The following ALPL variants were observed in gnomAD, a reference collection of about 807,000 sequenced individuals.
ALPL encodes the protein alkaline phosphatase, tissue-nonspecific isozyme.
In ALPL, 42 loss-of-function variants were observed where a neutral mutation model predicts 51.3. The observed-to-expected ratio is 0.82, with a 90% CI of 0.64 to 1.06. ALPL has a LOEUF of 1.06. ALPL is among the 50% of genes least tolerant of loss of function. ALPL has a pLI of 0.00. For synonymous variants in ALPL, 279 were observed against 296.4 expected (o/e 0.94, Z 0.60); for missense variants, 589 against 709.4 (o/e 0.83, Z 1.93).
At chr1:21,545,908 CT>C (rs1570236477) in intron 1 of ALPL, among the ~76,000 whole-genome samples, 1 of 152,166 alleles carries the variant, frequency 6.6e-6, no homozygotes, top group African/African-American at 2.4e-5. Flanking sequence ...CTCTAACTCT[CT>C]AGTTCAAGCG....
At chr1:21,540,239 G>T (rs1474439300) in intron 1 of ALPL, among the ~76,000 whole-genome samples, 1 of 152,150 alleles carries the variant, frequency 6.6e-6, no homozygotes, top group African/African-American at 2.4e-5. Context: ...ACCCCTGCCT[G>T]GGCACTGCAG....
At chr1:21,575,392 C>T (rs1430558456) in intron 9 of ALPL, among the ~76,000 whole-genome samples, 1 of 152,180 alleles carries the variant, frequency 6.6e-6, no homozygotes, top group African/African-American at 2.4e-5. Context: ...CCTTCCCTAC[C>T]TCCCAAAGGC....
chr1:21,540,392 C>T lies in ALPL; in HGVS notation c.-104-13586C>T, dbSNP rs187082349. Among the ~76,000 whole-genome samples the T allele has an allele frequency of 3.3e-5, 5 of 152,330 alleles. No homozygotes were observed. The East Asian group carries it at 7.7e-4, about 24-fold the overall frequency. ...AGTTGGTTTGGGGCATCATGACCGT[C>T]CTGGAGCCTCAGGGACCCCCAGAGA... is the stretch of plus-strand genomic sequence containing the variant. On this transcript the variant is annotated intron_variant, in intron 1 of 11. Transcript: ENST00000374840.
At chr1:21,550,464 T>C (rs116121521) in intron 1 of ALPL, among the ~76,000 whole-genome samples, 5,175 of 152,268 alleles carry the variant, frequency 0.034, 130 homozygotes, top group Non-Finnish European at 0.051. Flanking sequence ...CATGGTGAAA[T>C]TCTTTATGAA....
chr1:21,575,708 G>A (rs781522654), intron 9 of ALPL, 25 bp from the exon 10 acceptor site: 22 of 1,613,336 alleles, frequency 1.4e-5, no homozygotes, highest in African/African-American at 4.0e-5. Context: ...CTCCCTCACC[G>A]AGGCCTTTGC....
Position 21,560,712 on chromosome 1 carries a change from G to A in ALPL, c.148G>A (p.Val50Met), listed in dbSNP as rs767216554. 1.2e-5 allele frequency: 20 copies of A among 1,614,030 alleles called. No homozygotes were observed. The highest frequency in any genetic ancestry group is 7.7e-5 in the South Asian group (7 of 91,092). The part of the protein sequence containing the change: ...ALELQKLNTN[V>M]AKNVIMFLGD... ...GGAGCTTCAGAAGCTCAACACCAAC[G>A]TGGCTAAGAATGTCATCATGTTCCT... Residue 50 changes from valine (V) to methionine (M), a missense_variant, in exon 3 of 12, where the codon GTG (valine) becomes ATG (methionine). By Grantham distance (21) the Val-to-Met change is conservative. Coordinates refer to ENST00000374840, the MANE Select transcript of ALPL (RefSeq NM_000478.6).
intron 8 of ALPL, among the ~76,000 whole-genome samples, chr1:21,573,359 C>A (rs749969151): frequency 6.6e-6 from 1 of 151,558 alleles, no homozygotes; most frequent in Non-Finnish European, 1.5e-5. Context: ...ATCACTTGAA[C>A]CCGGGAGGCA....
In ALPL at chr1:21,509,758, G is replaced by T. The variant is rs183120314; in HGVS notation, c.-105+241G>T. On this transcript the variant is annotated intron_variant, in intron 1 of 11. Coordinates refer to ENST00000374840, the MANE Select transcript of ALPL (RefSeq NM_000478.6). This position sits in a 1 kb window ranked among gnomAD's most constrained non-coding sequence, Gnocchi z 6.0. ...GGCGGGACAGGAGATTGGACGTGGC[G>T]CCCGCGGAGCCGGCGAACTCAGGGG... Among the ~76,000 whole-genome samples, 284 of 152,272 alleles carry T rather than the reference G, an allele frequency of 1.9e-3. 10 individuals are homozygous for T. The East Asian group carries it at 0.047, about 25-fold the overall frequency.
chr1:21,550,536 G>T (rs1324284387), intron 1 of ALPL, among the ~76,000 whole-genome samples: 2 of 152,170 alleles, frequency 1.3e-5, no homozygotes, highest in African/African-American at 4.8e-5. Context: ...GATTGTTCAT[G>T]TAAGCTCCCA....
chr1:21,554,803 G>C, intron 2 of ALPL, among the ~76,000 whole-genome samples: 2 of 42,786 alleles, frequency 4.7e-5, no homozygotes, highest in African/African-American at 2.4e-4. Flanking sequence ...CTGTCTGTCT[G>C]TCTGTCTGTC....
intron 1 of ALPL, among the ~76,000 whole-genome samples, chr1:21,526,275 G>A (rs1643940046): frequency 6.6e-6 from 1 of 151,972 alleles, no homozygotes; most frequent in Admixed American, 6.6e-5. Flanking sequence ...GAGTAGCTGG[G>A]ACTACAGGCA....
At chr1:21,539,568 G>A (rs1289743830) in intron 1 of ALPL, among the ~76,000 whole-genome samples, 1 of 151,990 alleles carries the variant, frequency 6.6e-6, no homozygotes, top group African/African-American at 2.4e-5. Context: ...TCCTCAGCTG[G>A]TTAGTGGGGA....
chr1:21,548,344 C>T (rs1488656217), intron 1 of ALPL, among the ~76,000 whole-genome samples: 2 of 152,238 alleles, frequency 1.3e-5, no homozygotes, highest in Non-Finnish European at 2.9e-5. Context: ...CTCTCCTTGT[C>T]CTGAGCGGAG....
chr1:21,529,498 G>C (rs1211092078), intron 1 of ALPL, among the ~76,000 whole-genome samples: 2 of 152,098 alleles, frequency 1.3e-5, no homozygotes, highest in African/African-American at 4.8e-5. Flanking sequence ...TTCCAGTCAT[G>C]AGCCACCAAG....
At chr1:21,532,680 C>T (rs1474345798) in intron 1 of ALPL, among the ~76,000 whole-genome samples, 1 of 152,234 alleles carries the variant, frequency 6.6e-6, no homozygotes, top group Non-Finnish European at 1.5e-5. Context: ...CCTTACAGCT[C>T]CCTGTTCTCC....
intron 1 of ALPL, among the ~76,000 whole-genome samples, chr1:21,547,575 C>T (rs1024184730): frequency 2.6e-5 from 4 of 152,226 alleles, no homozygotes; most frequent in African/African-American, 9.6e-5. Context: ...AATTCCCTGC[C>T]CTAAGCTCGT....
At chr1:21,543,326 A>G (rs1164027474) in intron 1 of ALPL, among the ~76,000 whole-genome samples, 1 of 152,108 alleles carries the variant, frequency 6.6e-6, no homozygotes, top group African/African-American at 2.4e-5. Context: ...CCCTTTATTG[A>G]AATCTCATCA....
At chr1:21,576,262 GAT>G (rs1315173058) in intron 10 of ALPL, among the ~76,000 whole-genome samples, 93 of 36,788 alleles carry the variant, frequency 2.5e-3, no homozygotes, top group Non-Finnish European at 4.3e-3. Context: ...ATGATGGATG[GAT>G]GGATGGGTGG....
At chr1:21,509,189 G>C (rs1325424980), upstream of ALPL, among the ~76,000 whole-genome samples, 1 of 151,998 alleles carries the variant, frequency 6.6e-6, no homozygotes, top group Admixed American at 6.5e-5. The surrounding 1 kb of genome is among the most constrained non-coding windows in gnomAD (Gnocchi z 6.0). Context: ...AGTGCGGGGC[G>C]GGCGAGGGAC....
Sources: allele counts gnomAD v4.1 joint callset (sites outside exome capture counted in the v4.1 genomes callset), GRCh38; gene constraint gnomAD v4.1.1; non-coding constraint Gnocchi (gnomAD v3.1); transcripts MANE v1.5; gene names NCBI Gene and HGNC (gene_info 2026-07-23, HGNC 2026-07-21).